Variants in GRIA4 observed in about 807,000 individuals in gnomAD.
GRIA4 encodes glutamate receptor 4.
GRIA4 carries 34 observed loss-of-function variants against 104.0 expected under a neutral mutation model. The ratio of observed to expected loss-of-function variants is 0.33; its 90% CI spans 0.25 to 0.44. The LOEUF (loss-of-function observed/expected upper bound fraction) is 0.44. GRIA4 is among the 20% of genes least tolerant of loss of function. GRIA4 has a pLI of 1.00. For missense variants in GRIA4, 750 were observed against 1,096.5 expected, an observed-to-expected ratio of 0.68 and a Z score of 4.46; for synonymous variants, 386 against 381.9, an observed-to-expected ratio of 1.01 and a Z score of -0.13.
intron 3 of GRIA4, among the ~76,000 whole-genome samples, chr11:105,725,133 A>G (rs1938114624): frequency 6.6e-6 from 1 of 152,170 alleles, no homozygotes. Context: ...ATGATAATAT[A>G]TGTAGAATAA....
At chr11:105,774,718 T>C (rs1250450661) in intron 4 of GRIA4, among the ~76,000 whole-genome samples, 1 of 152,124 alleles carries the variant, frequency 6.6e-6, no homozygotes, top group Non-Finnish European at 1.5e-5. Flanking sequence ...GAATTATACT[T>C]AGGGATTTAG....
intron 5 of GRIA4, among the ~76,000 whole-genome samples, chr11:105,873,927 C>A (rs901983085): frequency 6.6e-6 from 1 of 152,052 alleles, no homozygotes; most frequent in African/African-American, 2.4e-5. Context: ...TTAATTAGAT[C>A]CCATTTGTCA....
Position 105,610,252 on chromosome 11 carries a change from C to A in GRIA4, c.-267C>A, listed in dbSNP as rs1303011918. The A allele has an allele frequency of 1.3e-5, 2 of 152,524 alleles. No homozygotes were observed. The highest frequency in any genetic ancestry group is 2.4e-5 in the African/African-American group (1 of 41,468). 9.4% of individuals were successfully genotyped at this position (152,524 alleles called of 1,614,324 possible). On this transcript the variant is annotated 5_prime_UTR_variant, in exon 1 of 17. Coordinates refer to ENST00000282499, the MANE Select transcript of GRIA4 (RefSeq NM_000829.4). The stretch of plus-strand genomic sequence containing the variant: ...GCCCGTGGGCGGATTTTCTGCCTAG[C>A]GCAGCCGAGAAGCAGAGGTGCCAGG...
intron 3 of GRIA4, among the ~76,000 whole-genome samples, chr11:105,730,058 C>T (rs1470222037): frequency 2.6e-5 from 4 of 152,032 alleles, no homozygotes; most frequent in Non-Finnish European, 4.4e-5. Flanking sequence ...AGAAATAAAG[C>T]GTATTCAAAT....
At chr11:105,777,865 T>A (rs1378191268) in intron 4 of GRIA4, among the ~76,000 whole-genome samples, 1 of 152,186 alleles carries the variant, frequency 6.6e-6, no homozygotes, top group Non-Finnish European at 1.5e-5. Context: ...CAGGGTTACA[T>A]CATAAATAGT....
intron 16 of GRIA4, among the ~76,000 whole-genome samples, chr11:105,976,227 G>C (rs1238585102): frequency 1.3e-5 from 2 of 151,900 alleles, no homozygotes; most frequent in Non-Finnish European, 2.9e-5. Flanking sequence ...CATAACAAAG[G>C]CACTCCAGCC....
At chr11:105,839,569 A>G in intron 4 of GRIA4, among the ~76,000 whole-genome samples, 1 of 151,394 alleles carries the variant, frequency 6.6e-6, no homozygotes, top group East Asian at 2.0e-4. Flanking sequence ...AAAATCTTTT[A>G]TAAGCACAAC....
intron 3 of GRIA4, among the ~76,000 whole-genome samples, chr11:105,637,090 G>A (rs554693757): frequency 5.3e-5 from 8 of 152,228 alleles, no homozygotes; most frequent in South Asian, 2.1e-4. Flanking sequence ...ACCAAATGCC[G>A]TTTAACTTAG....
intron 3 of GRIA4, among the ~76,000 whole-genome samples, chr11:105,695,678 T>C (rs1953252487): frequency 6.6e-6 from 1 of 152,148 alleles, no homozygotes; most frequent in Non-Finnish European, 1.5e-5. Context: ...TTGAAGTCCT[T>C]TTTTCTTTAT....
At chr11:105,759,667 G>A (rs1444366799) in intron 4 of GRIA4, among the ~76,000 whole-genome samples, 12 of 152,034 alleles carry the variant, frequency 7.9e-5, no homozygotes, top group Non-Finnish European at 1.8e-4. Flanking sequence ...TGCACACTAA[G>A]TTCTTTCTCT....
chr11:105,653,778 G>A (rs1190425131), intron 3 of GRIA4, among the ~76,000 whole-genome samples: 1 of 151,796 alleles, frequency 6.6e-6, no homozygotes, highest in East Asian at 1.9e-4. Context: ...AGGAAACATG[G>A]AGTCAAGGAA....
At chr11:105,851,745 A>G (rs1318968752) in intron 4 of GRIA4, among the ~76,000 whole-genome samples, 1 of 152,192 alleles carries the variant, frequency 6.6e-6, no homozygotes, top group Non-Finnish European at 1.5e-5. Flanking sequence ...ACACAGTGAA[A>G]GATTGGTTTG....
intron 3 of GRIA4, among the ~76,000 whole-genome samples, chr11:105,662,705 G>A (rs888666600): frequency 9.9e-5 from 15 of 151,904 alleles, no homozygotes; most frequent in African/African-American, 3.4e-4. Context: ...GCAAGTGTTC[G>A]ATCACAAAGG....
chr11:105,634,728 A>G (rs1951159642), intron 3 of GRIA4, among the ~76,000 whole-genome samples: 2 of 152,244 alleles, frequency 1.3e-5, no homozygotes, highest in South Asian at 2.1e-4. Flanking sequence ...AGAGTTGGCC[A>G]TTTTCAAATC....
At chr11:105,678,663 T>C (rs1164740233) in intron 3 of GRIA4, among the ~76,000 whole-genome samples, 2 of 152,054 alleles carry the variant, frequency 1.3e-5, no homozygotes, top group African/African-American at 4.8e-5. Context: ...TTTCTGAGTG[T>C]TTTTCCAAAA....
chr11:105,804,423 A>G (rs1206255726), intron 4 of GRIA4, among the ~76,000 whole-genome samples: 1 of 151,794 alleles, frequency 6.6e-6, no homozygotes, highest in Non-Finnish European at 1.5e-5. Flanking sequence ...CATATGACAC[A>G]TCTCCATGTT....
At chr11:105,710,126 T>A (rs1299948852) in intron 3 of GRIA4, among the ~76,000 whole-genome samples, 1 of 152,130 alleles carries the variant, frequency 6.6e-6, no homozygotes, top group Non-Finnish European at 1.5e-5. Flanking sequence ...TAGGGTCAGA[T>A]AATCAAATTA....
chr11:105,614,200 A>C (rs961937835), intron 3 of GRIA4: 5 of 151,552 alleles, frequency 3.3e-5, no homozygotes, highest in East Asian at 1.9e-4. Flanking sequence ...ATTATTATTA[A>C]ATTTTGAAAG....
chr11:105,770,109 T>C (rs1941143019), intron 4 of GRIA4, among the ~76,000 whole-genome samples: 1 of 152,112 alleles, frequency 6.6e-6, no homozygotes, highest in Non-Finnish European at 1.5e-5. Flanking sequence ...ACATAGAATA[T>C]GGATGATTTA....
Sources: gnomAD v4.1 joint callset for allele counts (sites outside exome capture counted in the v4.1 genomes callset) on GRCh38, gnomAD v4.1.1 for gene constraint, MANE v1.5 for transcripts, NCBI Gene and HGNC (gene_info 2026-07-23, HGNC 2026-07-21) for gene names.